Variants in RBFOX1 observed in about 807,000 individuals in gnomAD.
The protein encoded by RBFOX1 is RNA binding fox-1 homolog 1, also known as RNA binding protein fox-1 homolog 1.
RBFOX1 carries 8 observed loss-of-function variants against 57.7 expected under a neutral mutation model. The observed-to-expected ratio is 0.14, with a 90% CI of 0.08 to 0.25. RBFOX1 has a LOEUF of 0.25. RBFOX1 is among the 10% of genes least tolerant of loss of function. RBFOX1 has a pLI of 1.00. For missense variants in RBFOX1, 611 were observed against 548.5 expected (o/e 1.11, Z -1.14); for synonymous variants, 326 against 222.4 (o/e 1.47, Z -4.15).
chr16:6,452,538 C>T (rs1032778534), intron 2 of RBFOX1, among the ~76,000 whole-genome samples: 1 of 152,206 alleles, frequency 6.6e-6, no homozygotes, highest in Non-Finnish European at 1.5e-5. Flanking sequence ...CTCTGAGAAG[C>T]ATCTACCAGG....
intron 1 of RBFOX1, among the ~76,000 whole-genome samples, chr16:5,450,072 T>C (rs2068375279): frequency 6.6e-6 from 1 of 152,208 alleles, no homozygotes; most frequent in Non-Finnish European, 1.5e-5. Context: ...CACTTGGATC[T>C]GAGAAAGCAG....
intron 4 of RBFOX1, among the ~76,000 whole-genome samples, chr16:7,169,611 G>C (rs898044159): frequency 1.3e-5 from 2 of 152,186 alleles, no homozygotes; most frequent in African/African-American, 4.8e-5. Flanking sequence ...TGCATTATCA[G>C]TCCCATTTAC....
At chr16:7,011,616 C>T (rs1388569654) in intron 3 of RBFOX1, among the ~76,000 whole-genome samples, 2 of 152,164 alleles carry the variant, frequency 1.3e-5, no homozygotes, top group Non-Finnish European at 2.9e-5. Context: ...CGGGTTCACG[C>T]CATTATCCAG....
chr16:6,958,928 C>T (rs1311326658), intron 3 of RBFOX1, among the ~76,000 whole-genome samples: 1 of 151,994 alleles, frequency 6.6e-6, no homozygotes, highest in African/African-American at 2.4e-5. Context: ...ATTCTCCATC[C>T]TGACATAGGC....
chr16:7,335,216 G>A (rs1425530288), intron 4 of RBFOX1, among the ~76,000 whole-genome samples: 2 of 152,212 alleles, frequency 1.3e-5, no homozygotes, highest in African/African-American at 2.4e-5. Flanking sequence ...GTCCTGCATT[G>A]CTGCAGACTC....
At chr16:5,916,369 C>T (rs561558162) in intron 4 of RBFOX1, among the ~76,000 whole-genome samples, 52 of 152,204 alleles carry the variant, frequency 3.4e-4, no homozygotes, top group African/African-American at 3.4e-4. Flanking sequence ...TTCTCGGTTT[C>T]ACCTTCCTCC....
intron 2 of RBFOX1, among the ~76,000 whole-genome samples, chr16:6,605,764 G>T (rs1036006889): frequency 4.6e-5 from 7 of 152,106 alleles, no homozygotes; most frequent in African/African-American, 1.7e-4. Context: ...GCATTTAGAC[G>T]GGCATTTCAT....
intron 3 of RBFOX1, among the ~76,000 whole-genome samples, chr16:6,812,029 C>A (rs1025971519): frequency 2.6e-5 from 4 of 152,152 alleles, no homozygotes; most frequent in Non-Finnish European, 2.9e-5. Context: ...ATAAATAGTG[C>A]AGTACAAGAG....
At chr16:5,940,446 C>G (rs892489260) in intron 4 of RBFOX1, among the ~76,000 whole-genome samples, 6 of 152,194 alleles carry the variant, frequency 3.9e-5, no homozygotes, top group African/African-American at 4.8e-5. Flanking sequence ...TTGGAGGGAC[C>G]TTTCCAAGGT....
At chr16:6,117,417 T>G (rs1597453810) in intron 1 of RBFOX1, among the ~76,000 whole-genome samples, 3 of 152,360 alleles carry the variant, frequency 2.0e-5, no homozygotes, top group Admixed American at 2.0e-4. Flanking sequence ...AGATCACCTT[T>G]CATGGTTTGA....
intron 2 of RBFOX1, among the ~76,000 whole-genome samples, chr16:6,396,806 G>T (rs1344526052): frequency 6.6e-6 from 1 of 152,082 alleles, no homozygotes; most frequent in Non-Finnish European, 1.5e-5. Flanking sequence ...TAAAAAAAAT[G>T]TTGGAATTAA....
chr16:7,471,171 A>C (rs543626501), intron 4 of RBFOX1, among the ~76,000 whole-genome samples: 22 of 152,256 alleles, frequency 1.4e-4, no homozygotes, highest in African/African-American at 5.3e-4. Context: ...TGATTTGTGA[A>C]TATGTGTCTG....
At chr16:6,210,313 G>A (rs1353759306) in intron 1 of RBFOX1, among the ~76,000 whole-genome samples, 2 of 76,866 alleles carry the variant, frequency 2.6e-5, no homozygotes, top group African/African-American at 9.1e-5. Flanking sequence ...GTGCAATTCT[G>A]TCTGAAAAAA....
intron 3 of RBFOX1, among the ~76,000 whole-genome samples, chr16:6,771,040 G>C (rs995507491): frequency 1.3e-5 from 2 of 151,990 alleles, no homozygotes; most frequent in African/African-American, 4.8e-5. Flanking sequence ...AAGTTAATTC[G>C]GGTTTCATGA....
chr16:7,245,216 G>GA (rs1482408483), intron 4 of RBFOX1, among the ~76,000 whole-genome samples: 1 of 152,012 alleles, frequency 6.6e-6, no homozygotes, highest in Non-Finnish European at 1.5e-5. Context: ...TATTTCATTT[G>GA]AAAAATATTT....
chr16:5,471,130 G>A (rs895815014), intron 2 of RBFOX1, among the ~76,000 whole-genome samples: 3 of 152,054 alleles, frequency 2.0e-5, no homozygotes, highest in Non-Finnish European at 2.9e-5. Context: ...CACTGTGCCC[G>A]GTCTGATTGA....
intron 2 of RBFOX1, among the ~76,000 whole-genome samples, chr16:5,492,960 T>G (rs1391173934): frequency 6.6e-6 from 1 of 152,260 alleles, no homozygotes; most frequent in Non-Finnish European, 1.5e-5. Context: ...ACACCAAGAT[T>G]TGGCAAACTA....
intron 3 of RBFOX1, among the ~76,000 whole-genome samples, chr16:7,039,900 A>G (rs2045629520): frequency 6.7e-6 from 1 of 150,046 alleles, no homozygotes; most frequent in Non-Finnish European, 1.5e-5. Flanking sequence ...TACTGAAGAG[A>G]ATCCACACAA....
chr16:7,044,665 T>G (rs2153713596), intron 3 of RBFOX1, among the ~76,000 whole-genome samples: 1 of 152,102 alleles, frequency 6.6e-6, no homozygotes, highest in East Asian at 1.9e-4. Context: ...ATTTAGGCCA[T>G]AAAATATATT....
Sources: allele counts gnomAD v4.1 joint callset (sites outside exome capture counted in the v4.1 genomes callset), GRCh38; gene constraint gnomAD v4.1.1; transcripts MANE v1.5; gene names NCBI Gene and HGNC (gene_info 2026-07-23, HGNC 2026-07-21).